Variants in MAP3K3 observed in about 807,000 individuals in gnomAD.
MAP3K3 encodes mitogen-activated protein kinase kinase kinase 3.
In MAP3K3, 12 loss-of-function variants were observed where a neutral mutation model predicts 80.9. The ratio of observed to expected loss-of-function variants is 0.15; its 90% CI spans 0.10 to 0.24. The LOEUF is 0.24. Ranked by LOEUF, MAP3K3 falls within the 10% of genes least tolerant of loss-of-function variation. The pLI, the probability that MAP3K3 is intolerant of heterozygous loss-of-function variation, is 1.00. For synonymous variants in MAP3K3, 272 were observed against 307.1 expected (o/e 0.89, Z 1.19); for missense variants, 596 against 834.7 (o/e 0.71, Z 3.52).
At chr17:63,684,246 TCAG>T (rs1405579903) in intron 7 of MAP3K3, among the ~76,000 whole-genome samples, 1 of 152,210 alleles carries the variant, frequency 6.6e-6, no homozygotes, top group Non-Finnish European at 1.5e-5. Flanking sequence ...TTCACAGGAC[TCAG>T]CAGTTTTCCC....
At chr17:63,636,202 A>G (rs1295650873) in intron 2 of MAP3K3, among the ~76,000 whole-genome samples, 1 of 152,212 alleles carries the variant, frequency 6.6e-6, no homozygotes, top group Admixed American at 6.5e-5. Context: ...CTTTTCCCTA[A>G]GTAAACAAGC....
At chr17:63,672,017 T>C (rs1568144161) in intron 6 of MAP3K3, among the ~76,000 whole-genome samples, 1 of 151,356 alleles carries the variant, frequency 6.6e-6, no homozygotes, top group Non-Finnish European at 1.5e-5. Flanking sequence ...GTTTGGTGGC[T>C]CACATCTGTA....
At chr17:63,624,258 T>G (rs1038011262) in intron 1 of MAP3K3, among the ~76,000 whole-genome samples, 3 of 152,222 alleles carry the variant, frequency 2.0e-5, no homozygotes, top group Non-Finnish European at 2.9e-5. Context: ...ATTATAGATT[T>G]TGAATAAATC....
At chr17:63,634,882 C>T (rs1292327624) in intron 2 of MAP3K3, 1 of 1,241,036 alleles carries the variant, frequency 8.1e-7, no homozygotes, top group Middle Eastern at 1.9e-4. Flanking sequence ...ATTCACTTCC[C>T]AGACAAGTTG....
chr17:63,660,513 G>GT (rs1486552922), intron 5 of MAP3K3, among the ~76,000 whole-genome samples: 1 of 150,556 alleles, frequency 6.6e-6, no homozygotes, highest in Non-Finnish European at 1.5e-5. Context: ...ATACCTGGCT[G>GT]TTTCTCTTCT....
At chr17:63,685,481 TG>T in intron 7 of MAP3K3, 35 bp from the exon 8 acceptor site, 1 of 1,561,216 alleles carries the variant, frequency 6.4e-7, no homozygotes, top group East Asian at 2.2e-5. Flanking sequence ...GAATTGGGGC[TG>T]GGGGTGTGGC....
intron 5 of MAP3K3, among the ~76,000 whole-genome samples, chr17:63,659,391 G>C (rs1165545992): frequency 6.6e-6 from 1 of 152,014 alleles, no homozygotes; most frequent in African/African-American, 2.4e-5. Flanking sequence ...TAGACTTTAG[G>C]CTTCTTAATA....
At chr17:63,642,766 A>G (rs1163917371) in intron 2 of MAP3K3, among the ~76,000 whole-genome samples, 1 of 152,048 alleles carries the variant, frequency 6.6e-6, no homozygotes, top group African/African-American at 2.4e-5. Flanking sequence ...TTGTTTCAAT[A>G]TATTTTTGAG....
chr17:63,654,417 A>G (rs1404718104), intron 4 of MAP3K3, among the ~76,000 whole-genome samples: 1 of 152,126 alleles, frequency 6.6e-6, no homozygotes, highest in African/African-American at 2.4e-5. Context: ...TGGCTGAATA[A>G]TAAATATTCC....
chr17:63,680,479 A>G (rs2035307478), intron 6 of MAP3K3, among the ~76,000 whole-genome samples: 1 of 152,114 alleles, frequency 6.6e-6, no homozygotes, highest in Admixed American at 6.5e-5. Flanking sequence ...TGGTTTGGTG[A>G]GCTTAGGAAG....
Position 63,633,120 on chromosome 17 carries a change from C to T in MAP3K3, c.126+318C>T, listed in dbSNP as rs944985827. On this transcript the variant is annotated intron_variant, in intron 2 of 15. Coordinates refer to ENST00000361733, the MANE Select transcript of MAP3K3 (RefSeq NM_002401.5). ...GTCCATGCCTGTAGTCCCAGCTACT[C>T]AGGAAGCTGAGACAGGAGAATCGCT... Among the ~76,000 whole-genome samples, 4 of 151,588 alleles carry T rather than the reference C, an allele frequency of 2.6e-5. 1 individual carries two copies. Among genetic ancestry groups the T allele is most frequent in the East Asian group, 3.9e-4 (2 of 5,148 alleles).
intron 3 of MAP3K3, 65 bp downstream of exon 3, chr17:63,646,139 T>A: frequency 7.1e-7 from 1 of 1,408,492 alleles, no homozygotes; most frequent in South Asian, 1.2e-5. Context: ...AGCATTGAGT[T>A]CATGGAAGTC....
rs116318984 is a variant in MAP3K3, at chr17:63,674,393, C to T, written c.502+7333C>T. Reference sequence around the variant, plus strand: ...CAGCCCAGGCAACATGGCAAAACCCCATCTCTCTGTCACCCAGGCTGGAGT... The same window carrying T: ...CAGCCCAGGCAACATGGCAAAACCCTATCTCTCTGTCACCCAGGCTGGAGT... On this transcript the variant is annotated intron_variant, in intron 6 of 15. Coordinates refer to ENST00000361733, the MANE Select transcript of MAP3K3 (RefSeq NM_002401.5). Among the ~76,000 whole-genome samples, 1,240 of 152,214 alleles carry T rather than the reference C, an allele frequency of 8.1e-3. 20 individuals are homozygous for T. Among genetic ancestry groups the T allele is most frequent in the African/African-American group, 0.028 (1,159 of 41,504 alleles).
In MAP3K3 at chr17:63,637,585, T is replaced by C. The variant is rs369127053; in HGVS notation, c.126+4783T>C. On this transcript the variant is annotated intron_variant, in intron 2 of 15. Transcript: ENST00000361733. ...GTTGCAGTGGTTATGTCACTTCTTA[T>C]GTTCTGGCACTGCAGGTGTGAGCTT... 2.0e-4 allele frequency among the ~76,000 whole-genome samples: 30 copies of C among 152,380 alleles called. No individual in the cohort carries two copies. In the South Asian group the frequency reaches 2.5e-3, roughly 13 times the overall value.
intron 6 of MAP3K3, among the ~76,000 whole-genome samples, chr17:63,673,931 T>C (rs1359578120): frequency 6.6e-6 from 1 of 151,852 alleles, no homozygotes; most frequent in Non-Finnish European, 1.5e-5. Flanking sequence ...TAAATAAAAA[T>C]TATCCAGGTG....
Position 63,622,450 on chromosome 17 carries a change from G to A in MAP3K3, c.-310G>A, listed in dbSNP as rs1418342140. The A allele has an allele frequency of 6.5e-6, 1 of 153,180 alleles. No homozygotes were observed. The highest frequency in any genetic ancestry group is 1.5e-5 in the Non-Finnish European group (1 of 68,594). The allele number at this position is 153,180 out of a possible 1,614,324, so 9.5% of individuals were successfully genotyped here. ...GAGCGTTCCTGAGGTGGAGAACGGTGGCCGGACGGAGAGACTGCGGGTCTG... is the reference window on the plus strand; with the variant it reads ...GAGCGTTCCTGAGGTGGAGAACGGTAGCCGGACGGAGAGACTGCGGGTCTG... On this transcript the variant is annotated 5_prime_UTR_variant, in exon 1 of 16. Transcript: ENST00000361733.
rs1360988592 is a variant in MAP3K3, at chr17:63,695,684, G to A, written c.*1907G>A. On this transcript the variant is annotated 3_prime_UTR_variant, in exon 16 of 16. Transcript: ENST00000361733. This position sits in a 1 kb window ranked among gnomAD's most constrained non-coding sequence, Gnocchi z 4.1. ...CATCCCCAGTCCCTGTTCCCCAAGA[G>A]GATACAGAGCACGGTGCTGGCTGAC... 3 of 152,710 alleles carry A rather than the reference G, an allele frequency of 2.0e-5. No homozygotes were observed. Among genetic ancestry groups the A allele is most frequent in the Non-Finnish European group, 4.4e-5 (3 of 68,154 alleles). 9.5% of individuals were successfully genotyped at this position (152,710 alleles called of 1,614,324 possible).
Position 63,693,701 on chromosome 17 carries a change from G to A in MAP3K3, c.1805G>A (p.Arg602His), listed in dbSNP as rs770706062. ...GAACATGGCCGGGACTTCCTGAGGC[G>A]CATTTTTGTGGAGGCTCGCCAGAGA... ...ISEHGRDFLRRIFVEARQRPS... is the reference protein window; with the variant it reads ...ISEHGRDFLRHIFVEARQRPS... Residue 602 changes from arginine to histidine, a missense_variant, in exon 16 of 16, where the codon CGC becomes CAC. Around this residue, in one of 2 missense-constraint regions of MAP3K3, gnomAD observed 364 missense variants for 588.9 expected, o/e 0.62. Coordinates refer to ENST00000361733, the MANE Select transcript of MAP3K3 (RefSeq NM_002401.5). This position sits in a 1 kb window ranked among gnomAD's most constrained non-coding sequence, Gnocchi z 4.2. 37 of 1,605,248 alleles carry A rather than the reference G, an allele frequency of 2.3e-5. No individual in the cohort carries two copies. Among genetic ancestry groups the A allele is most frequent in the Middle Eastern group, 1.7e-4 (1 of 6,046 alleles).
chr17:63,655,178 G>A (rs1485024892), intron 4 of MAP3K3, among the ~76,000 whole-genome samples: 4 of 152,074 alleles, frequency 2.6e-5, no homozygotes, highest in Admixed American at 2.0e-4. Flanking sequence ...TTCACATGGC[G>A]ACAGGAGAGA....
Sources: allele counts gnomAD v4.1 joint callset (sites outside exome capture counted in the v4.1 genomes callset), GRCh38; gene constraint gnomAD v4.1.1; regional missense constraint gnomAD v4.1.1; non-coding constraint Gnocchi (gnomAD v3.1); transcripts MANE v1.5; gene names NCBI Gene and HGNC (gene_info 2026-07-23, HGNC 2026-07-21).